GPRC5A: variants seen among roughly 807,000 people sequenced by gnomAD.
The protein encoded by GPRC5A is G protein-coupled receptor class C group 5 member A, also known as retinoic acid-induced protein 3.
A neutral mutation model predicts 22.5 loss-of-function variants in GPRC5A; 19 were observed. That is an observed-to-expected ratio of 0.85 (90% CI 0.59 to 1.24). The LOEUF (loss-of-function observed/expected upper bound fraction) is 1.24. Ranked by LOEUF, GPRC5A falls within the 50% of genes most tolerant of loss-of-function variation. The pLI is 0.00. For missense variants in GPRC5A, 471 were observed against 451.1 expected (o/e 1.04, Z -0.40); for synonymous variants, 192 against 184.5 (o/e 1.04, Z -0.33).
rs528112745 is a variant in GPRC5A, at chr12:12,915,158, C to T, written c.*2619C>T. The T allele has an allele frequency of 4.6e-5, 7 of 151,778 alleles. No homozygotes were observed. The highest frequency in any genetic ancestry group is 4.2e-4 in the South Asian group (2 of 4,810). The allele number at this position is 151,778 out of a possible 1,614,324, so 9.4% of individuals were successfully genotyped here. A position where few individuals can be genotyped will look rare whatever the true frequency, so the allele number is the denominator to read the frequency against. On this transcript the variant is annotated 3_prime_UTR_variant, in exon 4 of 4. Transcript: ENST00000014914. Reference sequence around the variant, plus strand: ...GCCTCAGTCTCCTGAGTAGCTGGGACCACAGACGTGCACTACCACACTTGG... The same window carrying T: ...GCCTCAGTCTCCTGAGTAGCTGGGATCACAGACGTGCACTACCACACTTGG...
intron 1 of GPRC5A, among the ~76,000 whole-genome samples, chr12:12,895,885 C>T (rs555258336): frequency 6.0e-4 from 86 of 143,518 alleles, no homozygotes; most frequent in African/African-American, 2.0e-3. Context: ...CCCAGCTACT[C>T]GGGAGGCTGA....
intron 1 of GPRC5A, among the ~76,000 whole-genome samples, chr12:12,901,803 C>T (rs1863890496): frequency 6.6e-6 from 1 of 150,762 alleles, no homozygotes; most frequent in Non-Finnish European, 1.5e-5. Context: ...AGGAAAGGAC[C>T]TCTACGTCAA....
chr12:12,902,579 C>A (rs1339534916), intron 1 of GPRC5A, among the ~76,000 whole-genome samples: 1 of 150,984 alleles, frequency 6.6e-6, no homozygotes, highest in Admixed American at 6.6e-5. Flanking sequence ...GCCTGGGGAA[C>A]ATAGCAAGAC....
intron 1 of GPRC5A, among the ~76,000 whole-genome samples, chr12:12,902,363 A>C (rs1388133416): frequency 6.6e-6 from 1 of 151,376 alleles, no homozygotes; most frequent in Non-Finnish European, 1.5e-5. Context: ...TTTTTTAAAG[A>C]CATTTGTGAG....
rs59721062 is a variant in GPRC5A, at chr12:12,914,594, T to TTCTTTCTTTCTTTCTTTCTCTCTCTCTC, written c.*2058_*2059insTTCTTTCTTTCTTTCTCTCTCTCTCTCT. ...TTTCTTTCTTTCTTTCTTTCTTTCT[T>TTCTTTCTTTCTTTCTTTCTCTCTCTCTC]TCTCTCTCTCTCTCTCTCTCTCTTT... On this transcript the variant is annotated 3_prime_UTR_variant, in exon 4 of 4. Transcript: ENST00000014914. The TTCTTTCTTTCTTTCTTTCTCTCTCTCTC allele has an allele frequency of 1.8e-4, 15 of 81,552 alleles. No homozygotes were observed. Among genetic ancestry groups the TTCTTTCTTTCTTTCTTTCTCTCTCTCTC allele is most frequent in the African/African-American group, 2.6e-4 (4 of 15,582 alleles). 5.1% of individuals were successfully genotyped at this position (81,552 alleles called of 1,614,324 possible).
rs850932 is a variant in GPRC5A at position 12,908,601 on chromosome 12, A to G, written c.352A>G (p.Ser118Gly). Residue 118 changes from serine to glycine, a missense_variant, in exon 2 of 4, where the codon AGT (serine) becomes GGT (glycine). Ser to Gly is a moderately conservative substitution (Grantham distance 56, BLOSUM62 0). Transcript: ENST00000014914. ...CTCCTGCCTGCTGGCTCATGCTGTCAGTCTGACCAAGCTCGTCCGGGGGAG... is the reference window on the plus strand; with the variant it reads ...CTCCTGCCTGCTGGCTCATGCTGTCGGTCTGACCAAGCTCGTCCGGGGGAG... ...CFSCLLAHAVSLTKLVRGRKP... is the reference protein window; with the variant it reads ...CFSCLLAHAVGLTKLVRGRKP... 15,427 of 1,613,930 alleles carry G rather than the reference A, an allele frequency of 9.6e-3. 1,011 individuals carry two copies. In the African/African-American group the frequency reaches 0.16, roughly 17 times the overall value.
At chr12:12,892,571 T>G (rs1341953117) in intron 1 of GPRC5A, among the ~76,000 whole-genome samples, 1 of 152,100 alleles carries the variant, frequency 6.6e-6, no homozygotes, top group Non-Finnish European at 1.5e-5. Context: ...TTCCCCATGT[T>G]GGTCAGGTTG....
At chr12:12,910,198 CT>C (rs1225331405) in intron 2 of GPRC5A, among the ~76,000 whole-genome samples, 2 of 152,122 alleles carry the variant, frequency 1.3e-5, no homozygotes, top group South Asian at 2.1e-4. Flanking sequence ...AAAAATAGGT[CT>C]TTCCTTTGCT....
At chr12:12,899,013 C>T (rs1863852865) in intron 1 of GPRC5A, among the ~76,000 whole-genome samples, 1 of 152,008 alleles carries the variant, frequency 6.6e-6, no homozygotes, top group East Asian at 1.9e-4. Context: ...GCAGTGGCCA[C>T]AATTTTATAT....
rs1056800505 is a variant in GPRC5A, at chr12:12,909,004, A to G, written c.755A>G (p.Asn252Ser). ...ATCCTCAGCTCCGCCTTGGCTGCCA[A>G]TGGCTGGGTGTTCCTGTTGGCTTAT... is the stretch of plus-strand genomic sequence containing the variant. ...DTILSSALAA[N>S]GWVFLLAYVS... The change falls in exon 2 of 4, where the codon AAT becomes AGT. Residue 252 changes from asparagine (N) to serine (S), a missense_variant. Coordinates refer to ENST00000014914, the MANE Select transcript of GPRC5A (RefSeq NM_003979.4). 1.9e-5 allele frequency: 31 copies of G among 1,613,908 alleles called. No individual in the cohort carries two copies. The Admixed American group carries it at 4.2e-4, about 22-fold the overall frequency.
chr12:12,907,244 A>C, intron 1 of GPRC5A, among the ~76,000 whole-genome samples: 1 of 150,986 alleles, frequency 6.6e-6, no homozygotes, highest in East Asian at 2.0e-4. Flanking sequence ...AAAAATACAA[A>C]AAAAAAATTA....
chr12:12,906,653 A>T (rs1038312759), intron 1 of GPRC5A, among the ~76,000 whole-genome samples: 1 of 152,224 alleles, frequency 6.6e-6, no homozygotes, highest in African/African-American at 2.4e-5. Context: ...CCCGCTATTT[A>T]TGTGCCATCC....
Position 12,915,725 on chromosome 12 carries a change from C to A in GPRC5A, c.*3186C>A. 1 of 332,732 alleles carries A rather than the reference C, an allele frequency of 3.0e-6. No homozygotes were observed. Among genetic ancestry groups the A allele is most frequent in the East Asian group, 8.3e-5 (1 of 12,074 alleles). The allele number at this position is 332,732 out of a possible 1,614,324, so 20.6% of individuals were successfully genotyped here. A position where few individuals can be genotyped will look rare whatever the true frequency, so the allele number is the denominator to read the frequency against. On this transcript the variant is annotated 3_prime_UTR_variant, in exon 4 of 4. Coordinates refer to ENST00000014914, the MANE Select transcript of GPRC5A (RefSeq NM_003979.4). The stretch of plus-strand genomic sequence containing the variant: ...CAGGCAGATCTCGAACTCCAAACCT[C>A]GTGATCCACCTACCTTGGCCTCTGA...
chr12:12,909,961 A>AT (rs1863986019), intron 2 of GPRC5A: 1 of 150,486 alleles, frequency 6.6e-6, no homozygotes, highest in African/African-American at 2.5e-5. Flanking sequence ...AAAAAAAAAA[A>AT]AGAATCAAGT....
In GPRC5A at chr12:12,914,431, G is replaced by A. The variant is rs572955895; in HGVS notation, c.*1892G>A. On this transcript the variant is annotated 3_prime_UTR_variant, in exon 4 of 4. Coordinates refer to ENST00000014914, the MANE Select transcript of GPRC5A (RefSeq NM_003979.4). The stretch of plus-strand genomic sequence containing the variant: ...TTCCCAGGAGGTGTGACCTAATGAG[G>A]TTTGTTGTGAGAATAAAGCAATGTG... 3.9e-4 allele frequency: 60 copies of A among 152,282 alleles called. No homozygotes were observed. Among genetic ancestry groups the A allele is most frequent in the African/African-American group, 1.4e-3 (60 of 41,538 alleles). The allele number at this position is 152,282 out of a possible 1,614,324, so 9.4% of individuals were successfully genotyped here.
intron 2 of GPRC5A, among the ~76,000 whole-genome samples, chr12:12,910,641 C>T (rs1047753256): frequency 6.6e-6 from 1 of 152,124 alleles, no homozygotes; most frequent in African/African-American, 2.4e-5. Flanking sequence ...TGTGTCTGTC[C>T]TCTGCCTGGT....
In GPRC5A at chr12:12,916,396, T is replaced by C. The variant is rs1400826764; in HGVS notation, c.*3857T>C. ...GGCCGTCCAAAGCGGCCATGCCCCA[T>C]GTTTCCACTAGATGGCGCTGACACT... On this transcript the variant is annotated 3_prime_UTR_variant, in exon 4 of 4. Transcript: ENST00000014914. 2 of 152,268 alleles carry C rather than the reference T, an allele frequency of 1.3e-5. No homozygotes were observed. Among genetic ancestry groups the C allele is most frequent in the African/African-American group, 4.8e-5 (2 of 41,468 alleles). 9.4% of individuals were successfully genotyped at this position (152,268 alleles called of 1,614,324 possible).
intron 1 of GPRC5A, among the ~76,000 whole-genome samples, chr12:12,900,556 T>G (rs10772611): frequency 4.7e-4 from 71 of 151,946 alleles, no homozygotes; most frequent in African/African-American, 1.4e-3. Flanking sequence ...CTTCCTCTTG[T>G]TCTTATTCTT....
chr12:12,899,341 G>A (rs1863857490), intron 1 of GPRC5A, among the ~76,000 whole-genome samples: 1 of 152,126 alleles, frequency 6.6e-6, no homozygotes, highest in Admixed American at 6.6e-5. Flanking sequence ...CCCCGGCCAG[G>A]GTTGCTTGTT....
Sources: allele counts gnomAD v4.1 joint callset (sites outside exome capture counted in the v4.1 genomes callset), GRCh38; gene constraint gnomAD v4.1.1; transcripts MANE v1.5; gene names NCBI Gene and HGNC (gene_info 2026-07-23, HGNC 2026-07-21).